The following ANO1 variants were observed in gnomAD, a reference collection of about 807,000 sequenced individuals.
ANO1 encodes anoctamin-1.
In ANO1, 59 loss-of-function variants were observed where a neutral mutation model predicts 124.0. The observed-to-expected ratio is 0.48, with a 90% confidence interval of 0.39 to 0.59. The LOEUF (loss-of-function observed/expected upper bound fraction) is 0.59, where lower values mean the gene tolerates loss of function less well. Among genes scored for constraint, ANO1 ranks in the 20% least tolerant of loss-of-function variants. The pLI is 0.00. For synonymous variants in ANO1, 529 were observed against 532.0 expected (o/e 0.99, Z 0.08); for missense variants, 1,059 against 1,328.0 (o/e 0.80, Z 3.15).
At chr11:70,099,879 T>C (rs1045771399) in intron 2 of ANO1, among the ~76,000 whole-genome samples, 4 of 152,088 alleles carry the variant, frequency 2.6e-5, no homozygotes, top group African/African-American at 9.7e-5. Flanking sequence ...GGCCACGCCG[T>C]CCCAGGCCTC....
chr11:70,070,661 G>A (rs1370653828), intron 1 of ANO1, among the ~76,000 whole-genome samples: 7 of 152,244 alleles, frequency 4.6e-5, no homozygotes, highest in South Asian at 2.1e-4. Context: ...GGGCGACAGA[G>A]TGAAACTCCA....
At chr11:70,081,736 C>T (rs1247310619) in intron 1 of ANO1, among the ~76,000 whole-genome samples, 1 of 152,224 alleles carries the variant, frequency 6.6e-6, no homozygotes, top group Non-Finnish European at 1.5e-5. Context: ...GGATTGCTTT[C>T]CCCCTTCTGC....
intron 21 of ANO1, 65 bp downstream of exon 21, chr11:70,167,452 T>G (rs2048299920): frequency 5.8e-6 from 9 of 1,545,142 alleles, no homozygotes; most frequent in Non-Finnish European, 7.9e-6. Context: ...CCACCTGGAG[T>G]GGGGAAGGGC....
chr11:70,181,464 G>A (rs1249981295), intron 23 of ANO1, among the ~76,000 whole-genome samples: 2 of 152,236 alleles, frequency 1.3e-5, no homozygotes, highest in Non-Finnish European at 2.9e-5. Flanking sequence ...TGCACACCGG[G>A]ATGGCCCCTT....
the ANO1 span, among the ~76,000 whole-genome samples, chr11:69,967,424 G>A: frequency 4.6e-5 from 7 of 152,230 alleles, no homozygotes; most frequent in African/African-American, 1.4e-4. Context: ...AGGTTGGTCC[G>A]ATGCTGGTGG....
At chr11:70,020,090 G>C (rs1237837431) in intron 1 of ANO1, among the ~76,000 whole-genome samples, 1 of 152,232 alleles carries the variant, frequency 6.6e-6, no homozygotes, top group African/African-American at 2.4e-5. Flanking sequence ...AGGTGATCTG[G>C]TGGGCTTCTA....
chr11:70,018,995 A>G (rs1186162324), intron 1 of ANO1, among the ~76,000 whole-genome samples: 1 of 152,252 alleles, frequency 6.6e-6, no homozygotes, highest in Non-Finnish European at 1.5e-5. Flanking sequence ...TCCTGCGGCA[A>G]TAAGTACGCA....
At chr11:70,081,048 G>A (rs2044185657) in intron 1 of ANO1, among the ~76,000 whole-genome samples, 1 of 152,246 alleles carries the variant, frequency 6.6e-6, no homozygotes, top group Non-Finnish European at 1.5e-5. Context: ...TCTCAGGTGT[G>A]AAACTCATAC....
chr11:70,168,877 T>C (rs2048352350), intron 21 of ANO1, among the ~76,000 whole-genome samples: 1 of 152,172 alleles, frequency 6.6e-6, no homozygotes, highest in African/African-American at 2.4e-5. Flanking sequence ...CCCCAGACAA[T>C]CGTGCAAGGA....
At chr11:70,169,997 G>A in intron 21 of ANO1, 1 of 366,538 alleles carries the variant, frequency 2.7e-6, no homozygotes, top group Non-Finnish European at 5.4e-6. Flanking sequence ...CATGCTGGAT[G>A]CAGCATCCAA....
intron 11 of ANO1, chr11:70,141,510 C>T (rs1234267673): frequency 6.6e-6 from 1 of 152,250 alleles, no homozygotes; most frequent in Non-Finnish European, 1.5e-5. Flanking sequence ...TCTGCACGCT[C>T]CCATTTTGAG....
At chr11:70,135,697 A>G (rs1243667994) in intron 11 of ANO1, among the ~76,000 whole-genome samples, 1 of 152,174 alleles carries the variant, frequency 6.6e-6, no homozygotes, top group Non-Finnish European at 1.5e-5. Context: ...TCCTTCTCCA[A>G]TTACAGGCAT....
At chr11:70,182,902 A>T (rs2048983574) in intron 24 of ANO1, among the ~76,000 whole-genome samples, 1 of 152,124 alleles carries the variant, frequency 6.6e-6, no homozygotes, top group African/African-American at 2.4e-5. Context: ...TGAGCTCAGG[A>T]GTTAGAGACC....
intron 1 of ANO1, among the ~76,000 whole-genome samples, chr11:69,996,227 T>G (rs1856269331): frequency 6.6e-6 from 1 of 152,214 alleles, no homozygotes; most frequent in South Asian, 2.1e-4. Context: ...CTGAGCTGAA[T>G]TTGCTGAACA....
intron 11 of ANO1, among the ~76,000 whole-genome samples, chr11:70,138,567 C>A (rs946743027): frequency 1.3e-5 from 2 of 151,934 alleles, no homozygotes; most frequent in South Asian, 4.2e-4. Flanking sequence ...TTATTTTGTG[C>A]CAGGCACTGT....
At chr11:70,107,383 G>A (rs1263686052) in intron 5 of ANO1, among the ~76,000 whole-genome samples, 1 of 152,008 alleles carries the variant, frequency 6.6e-6, no homozygotes, top group Non-Finnish European at 1.5e-5. Context: ...GTGCTTCTGG[G>A]AAAAGGAACA....
At chr11:70,108,527 T>C (rs2135390760) in intron 6 of ANO1, 123 bp downstream of exon 6, 1 of 1,083,772 alleles carries the variant, frequency 9.2e-7, no homozygotes, top group Non-Finnish European at 1.4e-6. Context: ...GATTTAAGCC[T>C]GTGTAACAGT....
Position 70,163,330 on chromosome 11 carries a change from G to A in ANO1, c.1940G>A (p.Arg647Gln). The change falls in exon 19 of 26, where the codon CGA becomes CAA. Residue 647 changes from arginine to glutamine, a missense_variant. Transcript: ENST00000355303. ...GDYVYIFRSF[R>Q]MEECAPGGCL... ...TACGTGTACATTTTCCGTTCCTTCCGAATGGAAGAGGTAACCGAAATTTTA... is the reference window on the plus strand; with the variant it reads ...TACGTGTACATTTTCCGTTCCTTCCAAATGGAAGAGGTAACCGAAATTTTA... The A allele has an allele frequency of 6.2e-7, 1 of 1,613,986 alleles. No homozygotes were observed. The highest frequency in any genetic ancestry group is 8.5e-7 in the Non-Finnish European group (1 of 1,179,894).
intron 2 of ANO1, among the ~76,000 whole-genome samples, chr11:70,097,573 T>G (rs1345822611): frequency 6.6e-6 from 1 of 152,090 alleles, no homozygotes; most frequent in Non-Finnish European, 1.5e-5. Flanking sequence ...CATTGCAGGG[T>G]CAAGGTCAGG....
Sources: gnomAD v4.1 joint callset for allele counts (sites outside exome capture counted in the v4.1 genomes callset) on GRCh38, gnomAD v4.1.1 for gene constraint, MANE v1.5 for transcripts, NCBI Gene and HGNC (gene_info 2026-07-23, HGNC 2026-07-21) for gene names.